Variants in ABHD17B observed in about 807,000 individuals in gnomAD.
The protein encoded by ABHD17B is alpha/beta hydrolase domain-containing protein 17B.
A neutral mutation model predicts 26.2 loss-of-function variants in ABHD17B; 9 were observed. The observed-to-expected ratio is 0.34, with a 90% CI of 0.21 to 0.60. ABHD17B has a LOEUF of 0.60. Among genes scored for constraint, ABHD17B ranks in the 20% least tolerant of loss-of-function variants. ABHD17B has a pLI of 0.80. For missense variants in ABHD17B, 224 were observed against 352.1 expected (o/e 0.64, Z 2.91); for synonymous variants, 127 against 122.3 (o/e 1.04, Z -0.25).
At chr9:71,901,671 AATATCTC>A (rs923304734) in intron 1 of ABHD17B, among the ~76,000 whole-genome samples, 17 of 152,092 alleles carry the variant, frequency 1.1e-4, no homozygotes, top group Middle Eastern at 3.2e-3. Context: ...TAGACTCTGA[AATATCTC>A]CACCTGCATT....
At chr9:71,870,579 TG>T (rs1241199689) in intron 2 of ABHD17B, among the ~76,000 whole-genome samples, 1 of 152,222 alleles carries the variant, frequency 6.6e-6, no homozygotes, top group African/African-American at 2.4e-5. Flanking sequence ...TGACTAAGCT[TG>T]GGGCATATCA....
rs138535455 is a variant in ABHD17B, at chr9:71,880,743, G to T, written c.-3-5660C>A. On this transcript the variant is annotated intron_variant, in intron 1 of 3. Transcript: ENST00000333421. ...ACTATCTAGGAATTAATATAAAATAGAATGCAGAAAACCTTTATGCAGAAA... is the reference window on the plus strand; with the variant it reads ...ACTATCTAGGAATTAATATAAAATATAATGCAGAAAACCTTTATGCAGAAA... Among the ~76,000 whole-genome samples the T allele has an allele frequency of 9.6e-4, 146 of 151,894 alleles. 1 individual carries two copies. The highest frequency in any genetic ancestry group is 3.4e-3 in the African/African-American group (142 of 41,476).
At chr9:71,875,331 T>G (rs1826239244) in intron 1 of ABHD17B, among the ~76,000 whole-genome samples, 1 of 151,958 alleles carries the variant, frequency 6.6e-6, no homozygotes, top group African/African-American at 2.4e-5. Flanking sequence ...GTTCAAGTGG[T>G]TCTCCTGCCT....
downstream of ABHD17B, among the ~76,000 whole-genome samples, chr9:71,863,961 G>C (rs1349054059): frequency 2.0e-5 from 3 of 152,078 alleles, no homozygotes; most frequent in Non-Finnish European, 4.4e-5. Context: ...AATGTGGTTT[G>C]AACAGCACTT....
chr9:71,891,945 C>T (rs1487031484), intron 1 of ABHD17B, among the ~76,000 whole-genome samples: 1 of 152,098 alleles, frequency 6.6e-6, no homozygotes, highest in East Asian at 1.9e-4. Context: ...TTGGACAGCA[C>T]GATAGCACAG....
chr9:71,885,019 C>T (rs1826563045), intron 1 of ABHD17B, among the ~76,000 whole-genome samples: 1 of 152,062 alleles, frequency 6.6e-6, no homozygotes, highest in Admixed American at 6.6e-5. Context: ...AAATAAAAAT[C>T]TATGAACCTA....
intron 2 of ABHD17B, among the ~76,000 whole-genome samples, chr9:71,873,976 C>G (rs750332651): frequency 8.5e-5 from 13 of 152,132 alleles, no homozygotes; most frequent in Non-Finnish European, 1.6e-4. Context: ...GAAGTAATCA[C>G]ATAAAATAAT....
chr9:71,889,778 AAAACAAAC>A (rs142282489), intron 1 of ABHD17B, among the ~76,000 whole-genome samples: 1 of 152,050 alleles, frequency 6.6e-6, no homozygotes, highest in Non-Finnish European at 1.5e-5. Context: ...AAAAATGACC[AAAACAAAC>A]AAACAAACAA....
At chr9:71,901,823 T>C (rs967306189) in intron 1 of ABHD17B, among the ~76,000 whole-genome samples, 1 of 152,146 alleles carries the variant, frequency 6.6e-6, no homozygotes, top group African/African-American at 2.4e-5. Flanking sequence ...CACTCACTAA[T>C]ATCTATTTCA....
intron 2 of ABHD17B, among the ~76,000 whole-genome samples, chr9:71,872,211 C>T (rs1035017752): frequency 1.3e-5 from 2 of 152,110 alleles, no homozygotes; most frequent in African/African-American, 4.8e-5. Context: ...AGTACCTACA[C>T]TTATGAAACT....
At chr9:71,896,680 A>AC (rs1826966087) in intron 1 of ABHD17B, among the ~76,000 whole-genome samples, 2 of 39,180 alleles carry the variant, frequency 5.1e-5, no homozygotes, top group African/African-American at 1.5e-4. Context: ...TCTTCTACCA[A>AC]AACACACACA....
chr9:71,877,435 C>T (rs893970798), intron 1 of ABHD17B, among the ~76,000 whole-genome samples: 5 of 152,094 alleles, frequency 3.3e-5, no homozygotes, highest in African/African-American at 7.2e-5. Flanking sequence ...TGTTGTTTTT[C>T]GAGACGAAGT....
intron 1 of ABHD17B, among the ~76,000 whole-genome samples, chr9:71,889,778 A>AAAAC (rs142282489): frequency 3.3e-5 from 5 of 152,050 alleles, no homozygotes; most frequent in East Asian, 3.9e-4. Context: ...AAAAATGACC[A>AAAAC]AAACAAACAA....
intron 1 of ABHD17B, among the ~76,000 whole-genome samples, chr9:71,895,472 G>A (rs574949460): frequency 2.6e-5 from 4 of 152,258 alleles, no homozygotes; most frequent in African/African-American, 9.6e-5. Context: ...ATCTGTCTTT[G>A]CAACTTACTC....
Position 71,866,860 on chromosome 9 carries a change from T to G in ABHD17B, c.794A>C (p.Asn265Thr). ...EPLWVEGAGH[N>T]DVELYGQYLE... is the part of the protein sequence containing the mutation. Reference sequence around the variant, plus strand: ...ATACTGTCCATAAAGTTCCACATCATTGTGACCTGCTCCTTCAACCCAGAG... The same window carrying G: ...ATACTGTCCATAAAGTTCCACATCAGTGTGACCTGCTCCTTCAACCCAGAG... Residue 265 changes from asparagine to threonine, a missense_variant, in exon 4 of 4, where the codon AAT becomes ACT. Physicochemically the swap from Asn to Thr is moderately conservative, Grantham distance 65. Transcript: ENST00000333421. 1 of 1,614,228 alleles carries G rather than the reference T, an allele frequency of 6.2e-7. No individual in the cohort carries two copies. Among genetic ancestry groups the G allele is most frequent in the Non-Finnish European group, 8.5e-7 (1 of 1,180,038 alleles).
At chr9:71,891,073 A>G (rs904697475) in intron 1 of ABHD17B, among the ~76,000 whole-genome samples, 2 of 152,114 alleles carry the variant, frequency 1.3e-5, no homozygotes, top group Non-Finnish European at 2.9e-5. Context: ...AGTAAACTAC[A>G]CTGTTATGTA....
At chr9:71,885,209 C>T (rs1826569576) in intron 1 of ABHD17B, among the ~76,000 whole-genome samples, 2 of 151,934 alleles carry the variant, frequency 1.3e-5, no homozygotes, top group Admixed American at 1.3e-4. Flanking sequence ...ATTTGGGAGG[C>T]CAAGGCAGGA....
At chr9:71,867,479 T>C (rs890361195) in intron 3 of ABHD17B, among the ~76,000 whole-genome samples, 11 of 152,206 alleles carry the variant, frequency 7.2e-5, no homozygotes, top group African/African-American at 1.7e-4. Flanking sequence ...TGTACTAAAA[T>C]ATAATAAAAT....
At chr9:71,872,475 A>G (rs567668823) in intron 2 of ABHD17B, among the ~76,000 whole-genome samples, 7 of 152,322 alleles carry the variant, frequency 4.6e-5, no homozygotes, top group Admixed American at 1.3e-4. Context: ...ATTTTTTCAT[A>G]TAGACACAGA....
Sources: allele counts gnomAD v4.1 joint callset (sites outside exome capture counted in the v4.1 genomes callset), GRCh38; gene constraint gnomAD v4.1.1; transcripts MANE v1.5; gene names NCBI Gene and HGNC (gene_info 2026-07-23, HGNC 2026-07-21).